The following DGKB variants were observed in gnomAD, a reference collection of about 807,000 sequenced individuals.
The protein encoded by DGKB is diacylglycerol kinase beta, also known as 90 kDa diacylglycerol kinase.
In DGKB, 67 loss-of-function variants were observed where a neutral mutation model predicts 114.3. The observed-to-expected ratio is 0.59, with a 90% CI of 0.48 to 0.72. The LOEUF is 0.72. Among genes scored for constraint, DGKB ranks in the 30% least tolerant of loss-of-function variants. The pLI is 0.00. For missense variants in DGKB, 907 were observed against 975.2 expected (o/e 0.93, Z 0.93); for synonymous variants, 398 against 323.1 (o/e 1.23, Z -2.49).
intron 9 of DGKB, among the ~76,000 whole-genome samples, chr7:14,688,307 C>G (rs536073163): frequency 1.3e-5 from 2 of 152,220 alleles, no homozygotes; most frequent in South Asian, 4.2e-4. Context: ...GATTCCTAGC[C>G]TACTATGAAA....
intron 23 of DGKB, among the ~76,000 whole-genome samples, chr7:14,288,887 T>C (rs549483724): frequency 2.0e-5 from 3 of 152,202 alleles, no homozygotes; most frequent in Non-Finnish European, 4.4e-5. Flanking sequence ...CACACCCATA[T>C]GCACTGTTGC....
chr7:14,720,634 T>A (rs1031563114), intron 5 of DGKB, among the ~76,000 whole-genome samples: 4 of 152,032 alleles, frequency 2.6e-5, no homozygotes, highest in African/African-American at 7.2e-5. Context: ...TGAGCCACCA[T>A]GCCCGGCCCC....
chr7:14,855,241 G>C (rs1325773007), intron 1 of DGKB, among the ~76,000 whole-genome samples: 1 of 152,134 alleles, frequency 6.6e-6, no homozygotes, highest in East Asian at 1.9e-4. Flanking sequence ...ACTAAATTTA[G>C]CAACACTTGG....
intron 20 of DGKB, among the ~76,000 whole-genome samples, chr7:14,512,845 C>T (rs1788190437): frequency 1.3e-5 from 2 of 152,056 alleles, no homozygotes; most frequent in Non-Finnish European, 2.9e-5. Flanking sequence ...ACACCAAAAC[C>T]TGAAAGAGCT....
chr7:14,186,724 T>G (rs1264589027), intron 23 of DGKB, among the ~76,000 whole-genome samples: 8 of 152,210 alleles, frequency 5.3e-5, no homozygotes, highest in Non-Finnish European at 1.2e-4. Context: ...TGCAGTGCCC[T>G]GGATGAGACT....
chr7:14,966,259 G>GTC (rs925542311), intron 1 of DGKB, among the ~76,000 whole-genome samples: 1 of 151,950 alleles, frequency 6.6e-6, no homozygotes. Context: ...GATGAACCCA[G>GTC]TCTTAAGAGG....
rs984312915 is a variant in DGKB at position 14,725,272 on chromosome 7, T to G, written c.323-6587A>C. On this transcript the variant is annotated intron_variant, in intron 5 of 25. Transcript: ENST00000402815. The stretch of plus-strand genomic sequence containing the variant: ...CTATTTGACCAAAATTATTAATGAA[T>G]TTAAATTTAAATAGCAGTGGATAGC... 3.9e-5 allele frequency among the ~76,000 whole-genome samples: 6 copies of G among 152,196 alleles called. No individual in the cohort carries two copies. In the South Asian group the frequency reaches 1.2e-3, roughly 32 times the overall value.
intron 21 of DGKB, among the ~76,000 whole-genome samples, chr7:14,365,068 C>G (rs968561701): frequency 6.6e-6 from 1 of 151,526 alleles, no homozygotes; most frequent in Non-Finnish European, 1.5e-5. Flanking sequence ...TGGTTTTTTA[C>G]GTCCTCCTAG....
chr7:14,328,993 G>A (rs1457952685), intron 23 of DGKB, among the ~76,000 whole-genome samples: 1 of 151,964 alleles, frequency 6.6e-6, no homozygotes, highest in African/African-American at 2.4e-5. Flanking sequence ...TACTCTCAGT[G>A]TGGTGGGACT....
chr7:14,169,289 C>A (rs368304510), intron 25 of DGKB, among the ~76,000 whole-genome samples: 2 of 146,066 alleles, frequency 1.4e-5, no homozygotes, highest in African/African-American at 2.5e-5. Flanking sequence ...GGCGTGAACC[C>A]GGGAGGTGGA....
chr7:14,610,208 C>A (rs7802439), intron 16 of DGKB, among the ~76,000 whole-genome samples: 10,220 of 152,076 alleles, frequency 0.067, 1,155 homozygotes, highest in African/African-American at 0.23. Flanking sequence ...AGAATGAAAT[C>A]ATGTCCTTTG....
At chr7:14,967,201 A>C (rs768468092) in intron 1 of DGKB, among the ~76,000 whole-genome samples, 1 of 152,200 alleles carries the variant, frequency 6.6e-6, no homozygotes, top group African/African-American at 2.4e-5. Context: ...ACCTTAATCC[A>C]TATGTGCTGG....
intron 23 of DGKB, among the ~76,000 whole-genome samples, chr7:14,257,963 G>A (rs1341841936): frequency 6.6e-6 from 1 of 152,092 alleles, no homozygotes; most frequent in Non-Finnish European, 1.5e-5. Flanking sequence ...CCTGACCTCA[G>A]GTAATCCACT....
chr7:14,259,060 G>A (rs1796349373), intron 23 of DGKB, among the ~76,000 whole-genome samples: 1 of 151,972 alleles, frequency 6.6e-6, no homozygotes, highest in Admixed American at 6.6e-5. Flanking sequence ...AACTTTCCTT[G>A]TTGAACATGG....
At chr7:14,426,173 A>C (rs1316555607) in intron 21 of DGKB, among the ~76,000 whole-genome samples, 2 of 152,190 alleles carry the variant, frequency 1.3e-5, no homozygotes, top group Non-Finnish European at 2.9e-5. Flanking sequence ...AGTTTTATGA[A>C]TTATTGGACT....
intron 2 of DGKB, among the ~76,000 whole-genome samples, chr7:14,827,655 T>G (rs1845879017): frequency 6.6e-6 from 1 of 152,130 alleles, no homozygotes; most frequent in Non-Finnish European, 1.5e-5. Context: ...TATCCCTTAT[T>G]TATTGTGCAT....
At chr7:14,566,590 T>C (rs1227512532) in intron 20 of DGKB, among the ~76,000 whole-genome samples, 3 of 152,204 alleles carry the variant, frequency 2.0e-5, no homozygotes, top group East Asian at 1.9e-4. Context: ...TCCCTAATGA[T>C]AATTATTTAA....
Position 14,918,802 on chromosome 7 carries a change from C to T in DGKB, c.-188+55894G>A, listed in dbSNP as rs1044007070. ...ATATGGGGCTGGGCATGGTGGCTCACGTCTGTAATCCCAGCACTTTGGGAG... is the reference window on the plus strand; with the variant it reads ...ATATGGGGCTGGGCATGGTGGCTCATGTCTGTAATCCCAGCACTTTGGGAG... On this transcript the variant is annotated intron_variant, in intron 1 of 4. Coordinates refer to the DGKB transcript ENST00000437998. 4.6e-5 allele frequency among the ~76,000 whole-genome samples: 7 copies of T among 152,084 alleles called. No individual in the cohort carries two copies. In the East Asian group the frequency reaches 1.2e-3, roughly 25 times the overall value.
At chr7:14,733,377 A>T (rs1358432803) in intron 5 of DGKB, among the ~76,000 whole-genome samples, 2 of 152,190 alleles carry the variant, frequency 1.3e-5, no homozygotes, top group Non-Finnish European at 2.9e-5. Context: ...CTTTATGAAA[A>T]ATAAGTTACA....
Sources: gnomAD v4.1 joint callset for allele counts (sites outside exome capture counted in the v4.1 genomes callset) on GRCh38, gnomAD v4.1.1 for gene constraint, MANE v1.5 for transcripts, NCBI Gene and HGNC (gene_info 2026-07-23, HGNC 2026-07-21) for gene names.